The following DOLK variants were observed in gnomAD, a reference collection of about 807,000 sequenced individuals.
DOLK encodes the protein SEC59 homolog.
A neutral mutation model predicts 31.7 loss-of-function variants in DOLK; 20 were observed. That is an observed-to-expected ratio of 0.63 (90% confidence interval 0.44 to 0.92). DOLK has a LOEUF of 0.92. DOLK is among the 40% of genes least tolerant of loss of function. The pLI, the probability that DOLK is intolerant of heterozygous loss-of-function variation, is 0.00. For missense variants in DOLK, 594 were observed against 680.7 expected (o/e 0.87, Z 1.42); for synonymous variants, 309 against 287.0 (o/e 1.08, Z -0.77).
In DOLK at chr9:128,947,084, G is replaced by C; in HGVS notation, c.220C>G (p.Arg74Gly). The C allele has an allele frequency of 6.2e-7, 1 of 1,613,958 alleles. No homozygotes were observed. Among genetic ancestry groups the C allele is most frequent in the East Asian group, 2.2e-5 (1 of 44,868 alleles). ...AATAGGCCACTGTTTGCGGACATTC[G>C]GAACTGGAAGACGGCGCTTCCCTGC... ...LQQGSAVFQF[R>G]MSANSGLLPA... The change falls in exon 1 of 1, where the codon CGA becomes GGA. Residue 74 changes from arginine to glycine, a missense_variant. Physicochemically the swap from Arg to Gly is moderately radical, Grantham distance 125 (BLOSUM62 -2). Coordinates refer to ENST00000372586, the MANE Select transcript of DOLK (RefSeq NM_014908.4).
chr9:128,947,068 C>A lies in DOLK; in HGVS notation c.236G>T (p.Ser79Ile). 1 of 1,613,938 alleles carries A rather than the reference C, an allele frequency of 6.2e-7. No homozygotes were observed. Among genetic ancestry groups the A allele is most frequent in the Non-Finnish European group, 8.5e-7 (1 of 1,180,032 alleles). ...GACCATGGAGGCGGGCAATAGGCCA[C>A]TGTTTGCGGACATTCGGAACTGGAA... ...AVFQFRMSANSGLLPASMVMP... is the reference protein window; with the variant it reads ...AVFQFRMSANIGLLPASMVMP... The change falls in exon 1 of 1, where the codon AGT (serine) becomes ATT (isoleucine). Residue 79 changes from serine (S) to isoleucine (I), a missense_variant. By Grantham distance (142) the Ser-to-Ile change is moderately radical (BLOSUM62 -2). Transcript: ENST00000372586.
chr9:128,947,588 G>A lies in DOLK; in HGVS notation c.-285C>T. On this transcript the variant is annotated 5_prime_UTR_variant, in exon 1 of 1. Transcript: ENST00000372586. ...CGCTGCCGGCTCCTCACCTCTTTGGGCCTCGCCATCTTGGCACCGCCCCGC... is the reference window on the plus strand; with the variant it reads ...CGCTGCCGGCTCCTCACCTCTTTGGACCTCGCCATCTTGGCACCGCCCCGC... 1 of 1,179,054 alleles carries A rather than the reference G, an allele frequency of 8.5e-7. No individual in the cohort carries two copies. Among genetic ancestry groups the A allele is most frequent in the African/African-American group, 1.5e-5 (1 of 64,628 alleles). 73.0% of individuals were successfully genotyped at this position (1,179,054 alleles called of 1,614,324 possible).
At position 128,947,502 on chromosome 9, in the gene DOLK, C is replaced by A; in HGVS notation, c.-199G>T. On this transcript the variant is annotated 5_prime_UTR_variant, in exon 1 of 1. Transcript: ENST00000372586. ...GCTGGCGCCCGGCCACCCCCCACAG[C>A]CTCCAACCTACGGCGTAGACGTCGC... 1.1e-6 allele frequency: 1 copy of A among 902,272 alleles called. No individual in the cohort carries two copies. The highest frequency in any genetic ancestry group is 1.7e-6 in the Non-Finnish European group (1 of 591,224). 55.9% of individuals were successfully genotyped at this position (902,272 alleles called of 1,614,324 possible). A position where few individuals can be genotyped will look rare whatever the true frequency, so the allele number is the denominator to read the frequency against.
rs1841666950 is a variant in DOLK at position 128,946,342 on chromosome 9, T to C, written c.962A>G (p.Lys321Arg). 1.2e-6 allele frequency: 2 copies of C among 1,614,076 alleles called. No homozygotes were observed. The highest frequency in any genetic ancestry group is 1.3e-5 in the African/African-American group (1 of 75,018). Residue 321 changes from lysine (K) to arginine (R), a missense_variant, in exon 1 of 1, where the codon AAG (lysine) becomes AGG (arginine). By Grantham distance (26) the Lys-to-Arg change is conservative. Transcript: ENST00000372586. Reference sequence around the variant, plus strand: ...CTTCTTGGACTCGGAAGATGACCGCTTGGCATTCTGGTACAGCACCACCAG... The same window carrying C: ...CTTCTTGGACTCGGAAGATGACCGCCTGGCATTCTGGTACAGCACCACCAG... ...ACLVVLYQNA[K>R]RSSSESKKHQ... is the part of the protein sequence containing the mutation.
rs1372552063 is a variant in DOLK at position 128,945,924 on chromosome 9, G to C, written c.1380C>G (p.Thr460=). The change falls in exon 1 of 1, where the codon ACC becomes ACG. Residue 460 remains threonine (T), a synonymous_variant. Transcript: ENST00000372586. ...GDTVASIFGS[T]MGEIRWPGTK... The stretch of plus-strand genomic sequence containing the variant: ...TTCCAGGCCAGCGGATCTCCCCCAT[G>C]GTGCTACCGAAGATGGAGGCCACAG... 14 of 1,614,154 alleles carry C rather than the reference G, an allele frequency of 8.7e-6. No homozygotes were observed. Among genetic ancestry groups the C allele is most frequent in the Non-Finnish European group, 1.2e-5 (14 of 1,180,038 alleles).
In DOLK at chr9:128,946,286, A is replaced by T; in HGVS notation, c.1018T>A (p.Phe340Ile). ...HQAPTIARKY[F>I]HLIVVATYIP... ...TAGGTGGCTACCACAATGAGGTGGA[A>T]ATACTTTCGGGCGATGGTGGGGGCC... The change falls in exon 1 of 1, where the codon TTC becomes ATC. Residue 340 changes from phenylalanine to isoleucine, a missense_variant. Transcript: ENST00000372586. The T allele has an allele frequency of 6.2e-7, 1 of 1,614,140 alleles. No homozygotes were observed. The highest frequency in any genetic ancestry group is 1.1e-5 in the South Asian group (1 of 91,088).
Position 128,945,693 on chromosome 9 carries a change from C to G in DOLK, c.1611G>C (p.Met537Ile). The G allele has an allele frequency of 6.2e-7, 1 of 1,614,082 alleles. No homozygotes were observed. The highest frequency in any genetic ancestry group is 8.5e-7 in the Non-Finnish European group (1 of 1,180,026). Residue 537 changes from methionine (M) to isoleucine (I), a missense_variant, in exon 1 of 1, where the codon ATG becomes ATC. Transcript: ENST00000372586. ...LLPLYLLILL[M>I]A ...TGCTGCTGCACTGTAACAGCTAGGC[C>G]ATCAGCAATATCAGGAGGTAGAGAG...
Position 128,947,120 on chromosome 9 carries a change from G to A in DOLK, c.184C>T (p.Arg62Trp). The A allele has an allele frequency of 6.2e-7, 1 of 1,613,934 alleles. No individual in the cohort carries two copies. Among genetic ancestry groups the A allele is most frequent in the Non-Finnish European group, 8.5e-7 (1 of 1,180,016 alleles). Residue 62 changes from arginine to tryptophan, a missense_variant, in exon 1 of 1, where the codon CGG (arginine) becomes TGG (tryptophan). By Grantham distance (101) the Arg-to-Trp change is moderately radical. Coordinates refer to ENST00000372586, the MANE Select transcript of DOLK (RefSeq NM_014908.4). ...ACGGCGCTTCCCTGCTGTAGCAGCC[G>A]GTCCCACTTGTATTGGACGTAGAAG... is the stretch of plus-strand genomic sequence containing the variant. ...QAFYVQYKWD[R>W]LLQQGSAVFQ...
chr9:128,947,065 C>T lies in DOLK; in HGVS notation c.239G>A (p.Gly80Asp), dbSNP rs763733502. The T allele has an allele frequency of 1.2e-6, 2 of 1,613,896 alleles. No homozygotes were observed. The highest frequency in any genetic ancestry group is 2.2e-5 in the South Asian group (2 of 91,080). Reference sequence around the variant, plus strand: ...CATGACCATGGAGGCGGGCAATAGGCCACTGTTTGCGGACATTCGGAACTG... The same window carrying T: ...CATGACCATGGAGGCGGGCAATAGGTCACTGTTTGCGGACATTCGGAACTG... Reference protein sequence around the residue: ...VFQFRMSANSGLLPASMVMPL... With the variant: ...VFQFRMSANSDLLPASMVMPL... The change falls in exon 1 of 1, where the codon GGC (glycine) becomes GAC (aspartate). Residue 80 changes from glycine (G) to aspartate (D), a missense_variant. By Grantham distance (94) the Gly-to-Asp change is moderately conservative. Transcript: ENST00000372586.
At position 128,947,320 on chromosome 9, in the gene DOLK, C is replaced by T. The variant is rs1343456215; in HGVS notation, c.-17G>A. On this transcript the variant is annotated 5_prime_UTR_variant, in exon 1 of 1. Transcript: ENST00000372586. Reference sequence around the variant, plus strand: ...TCGGGTCATATCTCTAGACCTGGGGCTTCACGGAGGCCGGGGCGACTACGG... The same window carrying T: ...TCGGGTCATATCTCTAGACCTGGGGTTTCACGGAGGCCGGGGCGACTACGG... The T allele has an allele frequency of 6.2e-7, 1 of 1,611,488 alleles. No homozygotes were observed. Among genetic ancestry groups the T allele is most frequent in the Non-Finnish European group, 8.5e-7 (1 of 1,179,938 alleles).
chr9:128,947,453 G>T lies in DOLK; in HGVS notation c.-150C>A. The T allele has an allele frequency of 1.8e-6, 2 of 1,106,990 alleles. No homozygotes were observed. Among genetic ancestry groups the T allele is most frequent in the Non-Finnish European group, 1.3e-6 (1 of 757,630 alleles). The allele number at this position is 1,106,990 out of a possible 1,614,324, so 68.6% of individuals were successfully genotyped here. A position where few individuals can be genotyped will look rare whatever the true frequency, so the allele number is the denominator to read the frequency against. On this transcript the variant is annotated 5_prime_UTR_variant, in exon 1 of 1. Transcript: ENST00000372586. ...CCAGCAGCGAGGAGGGAACTCCACC[G>T]CAGGTCACTTCTGCGGCCTGGGAGC...
Position 128,946,849 on chromosome 9 carries a change from A to T in DOLK, c.455T>A (p.Ile152Asn). ...VILGLAGGVIIYIMKHSLSVG... is the reference protein window; with the variant it reads ...VILGLAGGVINYIMKHSLSVG... ...GCTCAACGAGTGCTTCATGATATAA[A>T]TGATAACACCTCCAGCCAAGCCCAA... The change falls in exon 1 of 1, where the codon ATT (isoleucine) becomes AAT (asparagine). Residue 152 changes from isoleucine to asparagine, a missense_variant. Physicochemically the swap from Ile to Asn is moderately radical, Grantham distance 149. Transcript: ENST00000372586. The T allele has an allele frequency of 6.2e-7, 1 of 1,611,500 alleles. No individual in the cohort carries two copies. The highest frequency in any genetic ancestry group is 1.1e-5 in the South Asian group (1 of 91,066).
Position 128,945,889 on chromosome 9 carries a change from G to C in DOLK, c.1415C>G (p.Thr472Ser). The C allele has an allele frequency of 6.2e-7, 1 of 1,614,216 alleles. No homozygotes were observed. Among genetic ancestry groups the C allele is most frequent in the Non-Finnish European group, 8.5e-7 (1 of 1,180,044 alleles). ...GEIRWPGTKK[T>S]FEGTMTSIFA... ...TATAGATGTCATGGTCCCCTCAAAA[G>C]TCTTTTTGGTTCCAGGCCAGCGGAT... Residue 472 changes from threonine (T) to serine (S), a missense_variant, in exon 1 of 1, where the codon ACT (threonine) becomes AGT (serine). Transcript: ENST00000372586.
rs771787694 is a variant in DOLK, at chr9:128,947,284, G to C, written c.20C>G (p.Ser7Cys). 1 of 1,612,868 alleles carries C rather than the reference G, an allele frequency of 6.2e-7. No individual in the cohort carries two copies. Among genetic ancestry groups the C allele is most frequent in the Non-Finnish European group, 8.5e-7 (1 of 1,179,998 alleles). MTRECPSPAPGPGAPLS... is the reference protein window; with the variant it reads MTRECPCPAPGPGAPLS... ...CGGAGCCCCAGGCCCCGGGGCCGGA[G>C]ATGGGCACTCTCGGGTCATATCTCT... The change falls in exon 1 of 1, where the codon TCT becomes TGT. Residue 7 changes from serine to cysteine, a missense_variant. Transcript: ENST00000372586.
chr9:128,946,159 T>C lies in DOLK; in HGVS notation c.1145A>G (p.Lys382Arg). The change falls in exon 1 of 1, where the codon AAG (lysine) becomes AGG (arginine). Residue 382 changes from lysine to arginine, a missense_variant. By Grantham distance (26) the Lys-to-Arg change is conservative. Transcript: ENST00000372586. ...GCTCCGTAGAGTGTGACCCAAAGGC[T>C]TGATGCGGAAGTAGCGCACATACTC... ...FLEYVRYFRI[K>R]PLGHTLRSFL... 1 of 1,614,146 alleles carries C rather than the reference T, an allele frequency of 6.2e-7. No homozygotes were observed. Among genetic ancestry groups the C allele is most frequent in the Non-Finnish European group, 8.5e-7 (1 of 1,180,014 alleles).
In DOLK at chr9:128,945,912, G is replaced by C; in HGVS notation, c.1392C>G (p.Ile464Met). The C allele has an allele frequency of 1.2e-6, 2 of 1,614,162 alleles. No individual in the cohort carries two copies. The highest frequency in any genetic ancestry group is 1.7e-6 in the Non-Finnish European group (2 of 1,180,042). Residue 464 changes from isoleucine to methionine, a missense_variant, in exon 1 of 1, where the codon ATC becomes ATG. Coordinates refer to ENST00000372586, the MANE Select transcript of DOLK (RefSeq NM_014908.4). Reference sequence around the variant, plus strand: ...AAGTCTTTTTGGTTCCAGGCCAGCGGATCTCCCCCATGGTGCTACCGAAGA... The same window carrying C: ...AAGTCTTTTTGGTTCCAGGCCAGCGCATCTCCCCCATGGTGCTACCGAAGA... ...ASIFGSTMGE[I>M]RWPGTKKTFE...
In DOLK at chr9:128,947,398, AC is replaced by A; in HGVS notation, c.-96del. ...CCGTCAAGCAGAGGGAGGCACTTTCACCCGGCCAGCAACCTTCTCCCTCCGT... is the reference window on the plus strand; with the variant it reads ...CCGTCAAGCAGAGGGAGGCACTTTCACCGGCCAGCAACCTTCTCCCTCCGT... On this transcript the variant is annotated 5_prime_UTR_variant, in exon 1 of 1. Transcript: ENST00000372586. The A allele has an allele frequency of 6.8e-7, 1 of 1,479,106 alleles. No homozygotes were observed. The highest frequency in any genetic ancestry group is 9.3e-7 in the Non-Finnish European group (1 of 1,072,060). The allele number at this position is 1,479,106 out of a possible 1,614,324, so 91.6% of individuals were successfully genotyped here. A position where few individuals can be genotyped will look rare whatever the true frequency, so the allele number is the denominator to read the frequency against.
At position 128,946,589 on chromosome 9, in the gene DOLK, T is replaced by C; in HGVS notation, c.715A>G (p.Ile239Val). ...VVVVGMVLMG[I>V]FFSTLFVFMD... ...AAGACAAACAGAGTGCTGAAGAAAA[T>C]GCCCATGAGTACCATCCCTACTACC... The change falls in exon 1 of 1, where the codon ATT (isoleucine) becomes GTT (valine). Residue 239 changes from isoleucine to valine, a missense_variant. Coordinates refer to ENST00000372586, the MANE Select transcript of DOLK (RefSeq NM_014908.4). 1.2e-6 allele frequency: 2 copies of C among 1,613,860 alleles called. No individual in the cohort carries two copies. The highest frequency in any genetic ancestry group is 1.7e-6 in the Non-Finnish European group (2 of 1,179,970).
At position 128,946,997 on chromosome 9, in the gene DOLK, C is replaced by CA; in HGVS notation, c.306dup (p.Gly103TrpfsTer6). ...CCAAAACGCTCAAAGAACGGGTTCC[C>CA]AGCAGTCTGGCACCGCTCCTTCATG... is the stretch of plus-strand genomic sequence containing the variant. On this transcript the variant is annotated frameshift_variant, in exon 1 of 1. Coordinates refer to ENST00000372586, the MANE Select transcript of DOLK (RefSeq NM_014908.4). LOFTEE classifies it high-confidence loss of function. 6.2e-7 allele frequency: 1 copy of CA among 1,608,956 alleles called. No homozygotes were observed. Among genetic ancestry groups the CA allele is most frequent in the South Asian group, 1.1e-5 (1 of 91,080 alleles).
Sources: gnomAD v4.1 joint callset for allele counts on GRCh38, gnomAD v4.1.1 for gene constraint, MANE v1.5 for transcripts, NCBI Gene and HGNC (gene_info 2026-07-23, HGNC 2026-07-21) for gene names.